Variants in ZFAND3 observed in about 807,000 individuals in gnomAD.
ZFAND3 encodes AN1-type zinc finger protein 3.
Under a neutral mutation model 29.6 loss-of-function variants are expected in ZFAND3, and 10 were observed. The ratio of observed to expected loss-of-function variants is 0.34; its 90% CI spans 0.21 to 0.57. ZFAND3 has a LOEUF of 0.57. Among genes scored for constraint, ZFAND3 ranks in the 20% least tolerant of loss-of-function variants. The probability of loss-of-function intolerance (pLI) is 0.86; values close to 1 mark genes in which losing one functional copy is unlikely to be tolerated. For synonymous variants in ZFAND3, 128 were observed against 112.6 expected (o/e 1.14, Z -0.87); for missense variants, 230 against 304.5 (o/e 0.76, Z 1.82).
At chr6:37,967,053 AATG>A (rs1762305419) in intron 2 of ZFAND3, among the ~76,000 whole-genome samples, 1 of 152,188 alleles carries the variant, frequency 6.6e-6, no homozygotes. Context: ...ACTGATGACT[AATG>A]ATGACCTCTC....
At chr6:38,094,834 C>T (rs984485327) in intron 4 of ZFAND3, among the ~76,000 whole-genome samples, 3 of 152,124 alleles carry the variant, frequency 2.0e-5, no homozygotes, top group East Asian at 1.9e-4. Flanking sequence ...GGTCCAGAAG[C>T]GTTTCAGGTT....
chr6:37,856,759 A>G (rs1764390918), intron 1 of ZFAND3, among the ~76,000 whole-genome samples: 1 of 152,198 alleles, frequency 6.6e-6, no homozygotes, highest in Non-Finnish European at 1.5e-5. Flanking sequence ...AATGCTAATT[A>G]ACAAAGCAAA....
intron 1 of ZFAND3, among the ~76,000 whole-genome samples, chr6:37,848,774 T>A (rs1317456260): frequency 6.6e-6 from 1 of 152,218 alleles, no homozygotes; most frequent in Non-Finnish European, 1.5e-5. Flanking sequence ...TGCGTCTTTA[T>A]GTTTTTTTCT....
chr6:37,985,559 G>C (rs1157288865), intron 2 of ZFAND3, among the ~76,000 whole-genome samples: 1 of 151,614 alleles, frequency 6.6e-6, no homozygotes, highest in Admixed American at 6.6e-5. Flanking sequence ...ACGTGCTTGT[G>C]GTTCCAGCTA....
intron 5 of ZFAND3, among the ~76,000 whole-genome samples, chr6:38,119,958 A>T (rs902150388): frequency 2.6e-5 from 4 of 152,166 alleles, no homozygotes; most frequent in African/African-American, 4.8e-5. Flanking sequence ...CTGTGACTAG[A>T]TAACCTTTAA....
chr6:37,895,079 ATTTC>A (rs1309178256), intron 1 of ZFAND3, among the ~76,000 whole-genome samples: 2 of 152,210 alleles, frequency 1.3e-5, no homozygotes, highest in African/African-American at 4.8e-5. Flanking sequence ...TTCTGCCATT[ATTTC>A]TTCAAAAAAT....
chr6:37,925,455 C>G (rs375087782), intron 1 of ZFAND3, among the ~76,000 whole-genome samples: 11 of 152,280 alleles, frequency 7.2e-5, no homozygotes, highest in Admixed American at 1.3e-4. Flanking sequence ...GTAATCCCAG[C>G]ACTTTGGGAG....
chr6:38,015,275 A>T (rs896988684), intron 2 of ZFAND3, among the ~76,000 whole-genome samples: 1 of 152,220 alleles, frequency 6.6e-6, no homozygotes, highest in African/African-American at 2.4e-5. Flanking sequence ...TTAAAACAAA[A>T]ATGAGGTAAT....
At chr6:37,989,363 A>G (rs1335475043) in intron 2 of ZFAND3, among the ~76,000 whole-genome samples, 2 of 152,204 alleles carry the variant, frequency 1.3e-5, no homozygotes, top group Non-Finnish European at 2.9e-5. Context: ...GAAGTCCAAG[A>G]TTACATGCTG....
At chr6:38,082,786 T>C (rs551361457) in intron 4 of ZFAND3, among the ~76,000 whole-genome samples, 1 of 152,332 alleles carries the variant, frequency 6.6e-6, no homozygotes, top group South Asian at 2.1e-4. Flanking sequence ...AGGGCCAAGA[T>C]TGAAATTTTA....
At chr6:37,980,703 A>AGT (rs1190876389) in intron 2 of ZFAND3, among the ~76,000 whole-genome samples, 1 of 152,174 alleles carries the variant, frequency 6.6e-6, no homozygotes, top group Non-Finnish European at 1.5e-5. Flanking sequence ...AAGAATATAC[A>AGT]GTGATACAAA....
At chr6:37,956,272 C>T (rs1369855839) in intron 2 of ZFAND3, among the ~76,000 whole-genome samples, 1 of 152,178 alleles carries the variant, frequency 6.6e-6, no homozygotes, top group Admixed American at 6.5e-5. Flanking sequence ...GGGCCACACT[C>T]TACAGAGTTT....
intron 1 of ZFAND3, among the ~76,000 whole-genome samples, chr6:37,859,703 G>C (rs1764445134): frequency 6.6e-6 from 1 of 152,054 alleles, no homozygotes; most frequent in Non-Finnish European, 1.5e-5. Context: ...TGTGGGACTG[G>C]CCTTGTACCT....
chr6:37,917,840 T>G (rs944751693), intron 1 of ZFAND3, among the ~76,000 whole-genome samples: 3 of 152,146 alleles, frequency 2.0e-5, no homozygotes, highest in Admixed American at 2.0e-4. Context: ...CCTAGTAGAT[T>G]GATGTAAGGT....
chr6:37,909,106 G>C (rs980498730), intron 1 of ZFAND3, among the ~76,000 whole-genome samples: 2 of 152,048 alleles, frequency 1.3e-5, no homozygotes, highest in African/African-American at 2.4e-5. Context: ...TGTTATGGTA[G>C]TAAGTGTGGA....
rs573953642 is a variant in ZFAND3, at chr6:38,134,268, C to G, written c.529+17529C>G. 5.9e-5 allele frequency among the ~76,000 whole-genome samples: 9 copies of G among 152,336 alleles called. No homozygotes were observed. In the South Asian group the frequency reaches 1.9e-3, roughly 32 times the overall value. On this transcript the variant is annotated intron_variant, in intron 5 of 5. Coordinates refer to ENST00000287218, the MANE Select transcript of ZFAND3 (RefSeq NM_021943.3). ...TCTCCTGAGTGCTAATTCATATCCT[C>G]ATATTCCTTGAAAAGTTACCTCCTC...
intron 2 of ZFAND3, among the ~76,000 whole-genome samples, chr6:38,013,559 A>C (rs1459450116): frequency 6.6e-6 from 1 of 152,208 alleles, no homozygotes; most frequent in African/African-American, 2.4e-5. Context: ...ATATATTGGA[A>C]GCTTCTACCT....
chr6:38,147,224 A>G (rs752425328), intron 5 of ZFAND3, among the ~76,000 whole-genome samples: 3 of 152,222 alleles, frequency 2.0e-5, no homozygotes, highest in Admixed American at 1.3e-4. Flanking sequence ...GCTCCTGAAT[A>G]TAAGTGAGAA....
intron 2 of ZFAND3, among the ~76,000 whole-genome samples, chr6:38,058,066 A>G (rs915782059): frequency 2.9e-4 from 44 of 152,306 alleles, no homozygotes; most frequent in Non-Finnish European, 2.4e-4. Flanking sequence ...ACAAAAGAGA[A>G]CTTGAAAGTA....
Sources: gnomAD v4.1 joint callset for allele counts (sites outside exome capture counted in the v4.1 genomes callset) on GRCh38, gnomAD v4.1.1 for gene constraint, MANE v1.5 for transcripts, NCBI Gene and HGNC (gene_info 2026-07-23, HGNC 2026-07-21) for gene names.